The following CHODL variants were observed in gnomAD, a reference collection of about 807,000 sequenced individuals.
The protein encoded by CHODL is transmembrane protein MT75.
In CHODL, 29 loss-of-function variants were observed where a neutral mutation model predicts 34.5. That is an observed-to-expected ratio of 0.84 (90% confidence interval 0.63 to 1.15). The LOEUF (loss-of-function observed/expected upper bound fraction) is 1.15. Ranked by LOEUF, CHODL falls within the 50% of genes most tolerant of loss-of-function variation. CHODL has a pLI of 0.00. For missense variants in CHODL, 332 were observed against 332.5 expected (o/e 1.00, Z 0.01); for synonymous variants, 125 against 116.1 (o/e 1.08, Z -0.49).
At chr21:18,184,840 C>T (rs893390106) in intron 2 of CHODL, among the ~76,000 whole-genome samples, 1 of 152,122 alleles carries the variant, frequency 6.6e-6, no homozygotes, top group African/African-American at 2.4e-5. Context: ...AAAACCATTC[C>T]TATCTGGAGA....
chr21:18,124,618 G>C (rs2146582769), intron 2 of CHODL, among the ~76,000 whole-genome samples: 1 of 152,288 alleles, frequency 6.6e-6, no homozygotes, highest in East Asian at 1.9e-4. Flanking sequence ...TTCGTGGTGA[G>C]AATGTTATAC....
At chr21:17,965,911 A>ATTT (rs34819022) in intron 1 of CHODL, among the ~76,000 whole-genome samples, 51,913 of 144,812 alleles carry the variant, frequency 0.36, 9,774 homozygotes, top group East Asian at 0.63. Context: ...AGAGAAGGTA[A>ATTT]TTTTTTTTTT....
chr21:18,091,964 T>C (rs1222500296), intron 2 of CHODL, among the ~76,000 whole-genome samples: 1 of 152,026 alleles, frequency 6.6e-6, no homozygotes, highest in African/African-American at 2.4e-5. Flanking sequence ...TTGCGGATAT[T>C]TTTGACTTCA....
At chr21:18,204,329 T>C (rs2073688560) in intron 2 of CHODL, among the ~76,000 whole-genome samples, 1 of 152,172 alleles carries the variant, frequency 6.6e-6, no homozygotes, top group Non-Finnish European at 1.5e-5. Context: ...GACAAATTAA[T>C]TTTTAAAACT....
At chr21:17,965,208 G>T (rs2063562442) in intron 1 of CHODL, among the ~76,000 whole-genome samples, 1 of 151,976 alleles carries the variant, frequency 6.6e-6, no homozygotes, top group South Asian at 2.1e-4. Context: ...AGTTATAATA[G>T]GTTTCTTCCT....
intron 2 of CHODL, among the ~76,000 whole-genome samples, chr21:18,133,451 A>G (rs1042510522): frequency 1.3e-5 from 2 of 152,224 alleles, no homozygotes; most frequent in African/African-American, 4.8e-5. Flanking sequence ...TGAAATAATT[A>G]GAAGAAAATT....
intron 2 of CHODL, among the ~76,000 whole-genome samples, chr21:18,140,903 GT>G (rs1167935213): frequency 6.7e-6 from 1 of 149,702 alleles, no homozygotes. Flanking sequence ...GACGTGTATT[GT>G]TTTTTTTTCC....
intron 2 of CHODL, among the ~76,000 whole-genome samples, chr21:18,078,719 A>G (rs2146509885): frequency 6.6e-6 from 1 of 152,184 alleles, no homozygotes; most frequent in South Asian, 2.1e-4. Context: ...TCTTTACTAC[A>G]TATTACTTGC....
In CHODL at chr21:18,025,100, T is replaced by A. The variant is rs1322512148; in HGVS notation, c.-144-2772T>A. ...CTCAGTTTTTAAGGAGCTGTGTTGT[T>A]CTTGATTCTGCTAATCAGGTTCAGA... On this transcript the variant is annotated intron_variant, in intron 1 of 6. Coordinates refer to the CHODL transcript ENST00000400127. Among the ~76,000 whole-genome samples, 5 of 152,320 alleles carry A rather than the reference T, an allele frequency of 3.3e-5. No homozygotes were observed. In the East Asian group the frequency reaches 9.6e-4, roughly 29 times the overall value.
At position 18,200,846 on chromosome 21, in the gene CHODL, C is replaced by T. The variant is rs552794721; in HGVS notation, c.-44-55663C>T. Among the ~76,000 whole-genome samples, 16 of 152,156 alleles carry T rather than the reference C, an allele frequency of 1.1e-4. No individual in the cohort carries two copies. In the South Asian group the frequency reaches 1.5e-3, roughly 14 times the overall value. ...GGACAATCAAAAAGAGAGAGAAGGT[C>T]GTGTGAAGACAGAGGGAGAGATTGG... On this transcript the variant is annotated intron_variant, in intron 2 of 6. Transcript: ENST00000400127.
chr21:18,009,546 TAA>T (rs1248363769), intron 1 of CHODL, among the ~76,000 whole-genome samples: 2 of 152,216 alleles, frequency 1.3e-5, no homozygotes, highest in East Asian at 3.9e-4. Context: ...ATCTATAATT[TAA>T]GACTCCACAT....
intron 2 of CHODL, among the ~76,000 whole-genome samples, chr21:18,183,800 G>T (rs894877715): frequency 1.8e-4 from 21 of 115,190 alleles, no homozygotes; most frequent in African/African-American, 1.3e-3. Context: ...TTGGAACTCT[G>T]TGTTCAATAT....
chr21:18,036,130 A>T (rs1277163494), intron 2 of CHODL, among the ~76,000 whole-genome samples: 1 of 151,982 alleles, frequency 6.6e-6, no homozygotes, highest in Non-Finnish European at 1.5e-5. Context: ...GTTAGGTGAG[A>T]TCATAGAAGC....
At chr21:18,242,322 A>G (rs2074090103), upstream of CHODL, among the ~76,000 whole-genome samples, 1 of 152,148 alleles carries the variant, frequency 6.6e-6, no homozygotes, top group Non-Finnish European at 1.5e-5. Context: ...AAAATTATTG[A>G]ATATTTGTTG....
At chr21:18,186,334 T>C (rs568285073) in intron 2 of CHODL, among the ~76,000 whole-genome samples, 3 of 151,610 alleles carry the variant, frequency 2.0e-5, no homozygotes, top group South Asian at 2.1e-4. Context: ...AGACACGGCA[T>C]AGGACAAATT....
At chr21:17,926,994 G>GCA (rs1370688214) in intron 1 of CHODL, among the ~76,000 whole-genome samples, 2 of 149,146 alleles carry the variant, frequency 1.3e-5, no homozygotes, top group Non-Finnish European at 3.0e-5. Flanking sequence ...ACACACACAC[G>GCA]CACACACACA....
intron 1 of CHODL, among the ~76,000 whole-genome samples, chr21:17,924,694 G>A (rs2146312604): frequency 6.6e-6 from 1 of 152,268 alleles, no homozygotes; most frequent in South Asian, 2.1e-4. Flanking sequence ...TAGACTGAAG[G>A]ACTTTTTAGC....
chr21:18,084,249 G>C (rs1446265913), intron 2 of CHODL, among the ~76,000 whole-genome samples: 1 of 152,042 alleles, frequency 6.6e-6, no homozygotes, highest in East Asian at 1.9e-4. Flanking sequence ...GTTACCTGAG[G>C]CTTCCCAGTC....
chr21:18,069,517 G>C (rs1423704728), intron 2 of CHODL, among the ~76,000 whole-genome samples: 1 of 146,688 alleles, frequency 6.8e-6, no homozygotes, highest in Non-Finnish European at 1.5e-5. Flanking sequence ...GGGATATAAG[G>C]GGATTATATA....
Sources: gnomAD v4.1 joint callset for allele counts (sites outside exome capture counted in the v4.1 genomes callset) on GRCh38, gnomAD v4.1.1 for gene constraint, MANE v1.5 for transcripts, NCBI Gene and HGNC (gene_info 2026-07-23, HGNC 2026-07-21) for gene names.